The following LRBA variants were observed in gnomAD, a reference collection of about 807,000 sequenced individuals.
LRBA encodes the protein lipopolysaccharide-responsive and beige-like anchor protein.
LRBA carries 176 observed loss-of-function variants against 330.0 expected under a neutral mutation model. The ratio of observed to expected loss-of-function variants is 0.53; its 90% CI spans 0.47 to 0.60. LRBA has a LOEUF of 0.60. LRBA is among the 20% of genes least tolerant of loss of function. The pLI, the probability that LRBA is intolerant of heterozygous loss-of-function variation, is 0.00. For missense variants in LRBA, 3,259 were observed against 3,444.8 expected (o/e 0.95, Z 1.35); for synonymous variants, 1,230 against 1,193.0 (o/e 1.03, Z -0.64).
At chr4:150,846,720 C>T (rs987982386) in intron 26 of LRBA, among the ~76,000 whole-genome samples, 1 of 152,010 alleles carries the variant, frequency 6.6e-6, no homozygotes, top group Non-Finnish European at 1.5e-5. Context: ...CATAAATTTA[C>T]ACAAATACAA....
intron 47 of LRBA, among the ~76,000 whole-genome samples, chr4:150,353,836 C>G (rs1298178242): frequency 1.2e-4 from 18 of 152,096 alleles, no homozygotes; most frequent in Admixed American, 1.1e-3. Flanking sequence ...CATGAATATA[C>G]TTTAAATAAT....
At chr4:150,837,224 C>A (rs1748252176) in intron 28 of LRBA, among the ~76,000 whole-genome samples, 1 of 152,118 alleles carries the variant, frequency 6.6e-6, no homozygotes, top group Non-Finnish European at 1.5e-5. Flanking sequence ...ACTATGTGGT[C>A]AATTTTGGAA....
intron 40 of LRBA, among the ~76,000 whole-genome samples, chr4:150,557,769 G>A (rs1767519214): frequency 6.6e-6 from 1 of 152,166 alleles, no homozygotes; most frequent in South Asian, 2.1e-4. Context: ...TCATATCATA[G>A]CTACATGCTA....
intron 34 of LRBA, among the ~76,000 whole-genome samples, chr4:150,777,064 G>GTTTTTTTTT (rs760287610): frequency 4.0e-5 from 4 of 100,962 alleles, no homozygotes; most frequent in African/African-American, 1.1e-4. Flanking sequence ...TTTTTGAGGG[G>GTTTTTTTTT]TTTTGTTGTT....
intron 5 of LRBA, among the ~76,000 whole-genome samples, chr4:150,919,407 G>A (rs1346996543): frequency 6.6e-6 from 1 of 152,128 alleles, no homozygotes; most frequent in Admixed American, 6.5e-5. Context: ...CTGCACAAGT[G>A]TCTGTTTTAT....
intron 2 of LRBA, among the ~76,000 whole-genome samples, chr4:150,943,789 C>G (rs919782453): frequency 2.0e-5 from 3 of 152,164 alleles, no homozygotes; most frequent in African/African-American, 7.2e-5. Context: ...CTGAACCAGT[C>G]AGTCCAAAAG....
chr4:150,963,200 T>C (rs1148634), intron 2 of LRBA, among the ~76,000 whole-genome samples: 2 of 147,040 alleles, frequency 1.4e-5, no homozygotes, highest in African/African-American at 5.4e-5. Context: ...TGCACGGTCC[T>C]CGTCTCCCCT....
At chr4:150,991,920 G>A (rs1742136340) in intron 2 of LRBA, among the ~76,000 whole-genome samples, 1 of 152,216 alleles carries the variant, frequency 6.6e-6, no homozygotes, top group Non-Finnish European at 1.5e-5. Flanking sequence ...AAATGCTATA[G>A]TAAGTTATGA....
In LRBA at chr4:150,491,003, T is replaced by C; in HGVS notation, c.6363A>G (p.Lys2121=). The C allele has an allele frequency of 6.2e-7, 1 of 1,606,680 alleles. No individual in the cohort carries two copies. ...ILAYTEGLHG[K]WLFTEIRSIF... is the part of the protein sequence containing the mutation. ...TTGATCGTATCTCTGTGAACAGCCA[T>C]TTTCCATGCAGCCCTTCTGTATATG... Residue 2121 remains lysine, a synonymous_variant, in exon 41 of 57, where the codon AAA becomes AAG. Coordinates refer to ENST00000651943, the MANE Select transcript of LRBA (RefSeq NM_001364905.1).
At chr4:150,803,491 A>G (rs1742069208) in intron 33 of LRBA, among the ~76,000 whole-genome samples, 2 of 152,150 alleles carry the variant, frequency 1.3e-5, no homozygotes, top group Non-Finnish European at 2.9e-5. Flanking sequence ...AAAAACTCAT[A>G]AGCATTTTTT....
At chr4:150,809,850 AATACGATACGATACG>A (rs70941451) in intron 31 of LRBA, among the ~76,000 whole-genome samples, 25,322 of 87,588 alleles carry the variant, frequency 0.29, 3,799 homozygotes, top group Middle Eastern at 0.34. Context: ...CCTGTCTTAA[AATACGATACGATACG>A]ATACGATACG....
intron 48 of LRBA, among the ~76,000 whole-genome samples, chr4:150,334,767 AT>A (rs1401909486): frequency 2.9e-5 from 4 of 139,154 alleles, no homozygotes; most frequent in East Asian, 2.1e-4. Flanking sequence ...CTAAAAGACA[AT>A]TTAAAAAAAA....
chr4:150,709,871 A>C (rs894518538), intron 36 of LRBA, among the ~76,000 whole-genome samples: 1 of 152,000 alleles, frequency 6.6e-6, no homozygotes, highest in Non-Finnish European at 1.5e-5. Flanking sequence ...GTGACACTTG[A>C]AGGAAAATCT....
chr4:150,470,927 C>T (rs980000041), intron 43 of LRBA, among the ~76,000 whole-genome samples: 1 of 151,150 alleles, frequency 6.6e-6, no homozygotes, highest in African/African-American at 2.4e-5. Context: ...CTCTAGCCAC[C>T]CAAATTTATC....
chr4:150,857,835 C>A lies in LRBA; in HGVS notation c.2767-4892G>T, dbSNP rs561256706. Among the ~76,000 whole-genome samples the A allele has an allele frequency of 2.0e-5, 3 of 152,236 alleles. No individual in the cohort carries two copies. In the East Asian group the frequency reaches 5.8e-4, roughly 29 times the overall value. On this transcript the variant is annotated intron_variant, in intron 22 of 56. Coordinates refer to ENST00000651943, the MANE Select transcript of LRBA (RefSeq NM_001364905.1). Reference sequence around the variant, plus strand: ...GAATTTTAAGTGGTCTGATAACATTCAAATGTTATATCAAAGCTGAATCTT... The same window carrying A: ...GAATTTTAAGTGGTCTGATAACATTAAAATGTTATATCAAAGCTGAATCTT...
At chr4:150,312,737 TTAATAA>T (rs747968580) in intron 51 of LRBA, among the ~76,000 whole-genome samples, 1 of 152,112 alleles carries the variant, frequency 6.6e-6, no homozygotes, top group South Asian at 2.1e-4. Flanking sequence ...TATAGATTAC[TTAATAA>T]TAAACCATAA....
intron 56 of LRBA, among the ~76,000 whole-genome samples, chr4:150,272,276 T>A (rs953931360): frequency 6.6e-6 from 1 of 151,860 alleles, no homozygotes; most frequent in African/African-American, 2.4e-5. Flanking sequence ...AGCGTCAACA[T>A]CAACAAAAAG....
At chr4:150,724,942 A>G (rs1016781199) in intron 36 of LRBA, among the ~76,000 whole-genome samples, 30 of 150,786 alleles carry the variant, frequency 2.0e-4, no homozygotes, top group African/African-American at 6.8e-4. Flanking sequence ...CAGAAATTCT[A>G]TAATTGAAAA....
chr4:150,962,079 TC>T (rs1243606182), intron 2 of LRBA, among the ~76,000 whole-genome samples: 1 of 149,586 alleles, frequency 6.7e-6, no homozygotes, highest in Non-Finnish European at 1.5e-5. Context: ...CTATGGTTTT[TC>T]TGTTTTTCAT....
Sources: gnomAD v4.1 joint callset for allele counts (sites outside exome capture counted in the v4.1 genomes callset) on GRCh38, gnomAD v4.1.1 for gene constraint, MANE v1.5 for transcripts, NCBI Gene and HGNC (gene_info 2026-07-23, HGNC 2026-07-21) for gene names.